The following SPMAP2L variants were observed in gnomAD, a reference collection of about 807,000 sequenced individuals.
SPMAP2L encodes sperm microtubule associated protein 2-like.
the SPMAP2L span, among the ~76,000 whole-genome samples, chr4:56,543,622 G>C: frequency 6.6e-6 from 1 of 152,044 alleles, no homozygotes; most frequent in Non-Finnish European, 1.5e-5. Context: ...AACCCGGGAG[G>C]CAGAGGTTGC....
At chr4:56,543,895 A>AGTGTGTGTGTGTGTGTGTGT in the SPMAP2L span, among the ~76,000 whole-genome samples, 2 of 109,418 alleles carry the variant, frequency 1.8e-5, no homozygotes, top group African/African-American at 7.4e-5. Flanking sequence ...AGAGAGAGAG[A>AGTGTGTGTGTGTGTGTGTGT]GTGTGTGTGT....
chr4:56,554,636 T>G, the SPMAP2L span, among the ~76,000 whole-genome samples: 3 of 152,214 alleles, frequency 2.0e-5, no homozygotes, highest in Non-Finnish European at 2.9e-5. Flanking sequence ...CTTAGCAGTG[T>G]GTTTCACAAA....
the SPMAP2L span, among the ~76,000 whole-genome samples, chr4:56,614,185 C>T: frequency 2.6e-5 from 4 of 152,140 alleles, no homozygotes; most frequent in Non-Finnish European, 4.4e-5. Context: ...GGATTTCCAA[C>T]AGAGCCTTGG....
chr4:56,561,681 C>T, the SPMAP2L span, among the ~76,000 whole-genome samples: 1 of 152,032 alleles, frequency 6.6e-6, no homozygotes, highest in Non-Finnish European at 1.5e-5. Context: ...CAACACCTCC[C>T]ATTAGGCCTC....
chr4:56,559,505 A>T, the SPMAP2L span: 1 of 1,524,348 alleles, frequency 6.6e-7, no homozygotes. Flanking sequence ...GTTTCCTGCC[A>T]CTATGTACCT....
the SPMAP2L span, among the ~76,000 whole-genome samples, chr4:56,549,045 G>A: frequency 6.7e-6 from 1 of 149,024 alleles, no homozygotes; most frequent in Admixed American, 6.7e-5. Context: ...CTGGAGTGCA[G>A]TGGCGTGATC....
At chr4:56,576,177 A>G in the SPMAP2L span, among the ~76,000 whole-genome samples, 1 of 152,196 alleles carries the variant, frequency 6.6e-6, no homozygotes, top group African/African-American at 2.4e-5. Context: ...CACACTGGAC[A>G]TGTATGTGCA....
At chr4:56,544,386 A>G in the SPMAP2L span, among the ~76,000 whole-genome samples, 1 of 152,188 alleles carries the variant, frequency 6.6e-6, no homozygotes, top group Non-Finnish European at 1.5e-5. Flanking sequence ...CATATACGGT[A>G]ACCTTTACTG....
At chr4:56,551,669 G>A in the SPMAP2L span, among the ~76,000 whole-genome samples, 2 of 152,270 alleles carry the variant, frequency 1.3e-5, no homozygotes, top group East Asian at 3.9e-4. Flanking sequence ...TCCAACCAAG[G>A]CCATACACAG....
chr4:56,593,529 T>G, the SPMAP2L span: 821 of 1,598,868 alleles, frequency 5.1e-4, no homozygotes, highest in Middle Eastern at 1.0e-3. Context: ...TGGCCTGCTG[T>G]GTGTGCTACT....
the SPMAP2L span, among the ~76,000 whole-genome samples, chr4:56,564,735 G>T: frequency 1.3e-5 from 2 of 151,148 alleles, no homozygotes; most frequent in African/African-American, 4.9e-5. Flanking sequence ...TCTTTTTCTA[G>T]TTTCTTATGA....
chr4:56,593,102 C>T, the SPMAP2L span: 304 of 1,577,102 alleles, frequency 1.9e-4, 1 homozygote, highest in African/African-American at 2.7e-3. Flanking sequence ...GACGATTTTG[C>T]GGAACTTACT....
chr4:56,570,571 G>T, the SPMAP2L span, among the ~76,000 whole-genome samples: 1 of 151,980 alleles, frequency 6.6e-6, no homozygotes, highest in African/African-American at 2.4e-5. Flanking sequence ...ATAAGAAATG[G>T]TACACCTGAA....
the SPMAP2L span, chr4:56,594,033 A>G: frequency 1.2e-6 from 2 of 1,611,488 alleles, no homozygotes; most frequent in Non-Finnish European, 1.7e-6. Context: ...CGGCAGATCA[A>G]TTTTCGGCTT....
the SPMAP2L span, chr4:56,603,583 C>G: frequency 3.3e-6 from 1 of 302,422 alleles, no homozygotes; most frequent in Non-Finnish European, 6.1e-6. Flanking sequence ...CTTACTGTTT[C>G]CTCACAAGCA....
the SPMAP2L span, among the ~76,000 whole-genome samples, chr4:56,583,300 A>G: frequency 6.7e-6 from 1 of 149,814 alleles, no homozygotes; most frequent in African/African-American, 2.5e-5. Flanking sequence ...GGAAAAAAAA[A>G]AGAAATTCCG....
chr4:56,538,584 C>T, the SPMAP2L span, among the ~76,000 whole-genome samples: 1 of 152,176 alleles, frequency 6.6e-6, no homozygotes, highest in South Asian at 2.1e-4. Flanking sequence ...AGGCAGATCA[C>T]CTGAGGTCAG....
the SPMAP2L span, among the ~76,000 whole-genome samples, chr4:56,535,653 T>A: frequency 7.1e-4 from 108 of 152,296 alleles, no homozygotes; most frequent in Non-Finnish European, 1.2e-3. Context: ...TAACTCGGTG[T>A]CTGAGGGGTT....
At chr4:56,613,474 A>G in the SPMAP2L span, among the ~76,000 whole-genome samples, 2 of 152,148 alleles carry the variant, frequency 1.3e-5, no homozygotes, top group Non-Finnish European at 2.9e-5. Context: ...CAGGGACATA[A>G]TGGTGGTGGG....
Sources: allele counts gnomAD v4.1 joint callset (sites outside exome capture counted in the v4.1 genomes callset), GRCh38; gene constraint gnomAD v4.1.1; transcripts MANE v1.5; gene names NCBI Gene and HGNC (gene_info 2026-07-23, HGNC 2026-07-21).